Variants in SLC35G2 observed in about 807,000 individuals in gnomAD.
The protein encoded by SLC35G2 is solute carrier family 35 member G2, also known as transmembrane protein 22.
In SLC35G2, 20 loss-of-function variants were observed where a neutral mutation model predicts 27.2. The ratio of observed to expected loss-of-function variants is 0.74; its 90% CI spans 0.52 to 1.07. The LOEUF (loss-of-function observed/expected upper bound fraction) is 1.07, where lower values mean the gene tolerates loss of function less well. Among genes scored for constraint, SLC35G2 ranks in the 50% least tolerant of loss-of-function variants. SLC35G2 has a pLI of 0.00. For missense variants in SLC35G2, 416 were observed against 493.3 expected (o/e 0.84, Z 1.48); for synonymous variants, 148 against 165.3 (o/e 0.90, Z 0.80).
chr3:136,833,680 T>C (rs1436294645), intron 1 of SLC35G2, among the ~76,000 whole-genome samples: 1 of 152,138 alleles, frequency 6.6e-6, no homozygotes, highest in African/African-American at 2.4e-5. Context: ...AATGTTGCCG[T>C]TGATCTGACA....
At chr3:136,829,096 A>C (rs1576888575) in intron 1 of SLC35G2, among the ~76,000 whole-genome samples, 1 of 152,124 alleles carries the variant, frequency 6.6e-6, no homozygotes, top group African/African-American at 2.4e-5. Flanking sequence ...CGTCTTGAAA[A>C]TTTATTTTTG....
At chr3:136,843,322 CAAAAAAAAAAAAAAA>C (rs36115986) in intron 1 of SLC35G2, 94 of 25,284 alleles carry the variant, frequency 3.7e-3, no homozygotes, top group African/African-American at 0.018. Context: ...GACTCTGTCT[CAAAAAAAAAAAAAAA>C]AAAAAAAAAA....
intron 1 of SLC35G2, among the ~76,000 whole-genome samples, chr3:136,852,520 T>C: frequency 6.9e-6 from 1 of 145,242 alleles, no homozygotes; most frequent in East Asian, 2.0e-4. Flanking sequence ...TGAGATGGAG[T>C]CTTGCTCTGT....
At position 136,854,501 on chromosome 3, in the gene SLC35G2, G is replaced by T. The variant is rs1419806954; in HGVS notation, c.41G>T (p.Arg14Leu). 5 of 1,584,480 alleles carry T rather than the reference G, an allele frequency of 3.2e-6. No individual in the cohort carries two copies. The highest frequency in any genetic ancestry group is 4.3e-6 in the Non-Finnish European group (5 of 1,165,774). Residue 14 changes from arginine to leucine, a missense_variant, in exon 2 of 2, where the codon CGG becomes CTG. Physicochemically the swap from Arg to Leu is moderately radical, Grantham distance 102. Transcript: ENST00000446465. ...SPSRKYPVKK[R>L]VKIHPNTVMV... ...TCCAGAAAATATCCAGTTAAAAAACGGGTGAAAATACATCCCAACACAGTG... is the reference window on the plus strand; with the variant it reads ...TCCAGAAAATATCCAGTTAAAAAACTGGTGAAAATACATCCCAACACAGTG...
At chr3:136,852,682 A>AG (rs1305459295) in intron 1 of SLC35G2, among the ~76,000 whole-genome samples, 1 of 151,710 alleles carries the variant, frequency 6.6e-6, no homozygotes, top group East Asian at 2.0e-4. Context: ...TAGTAGAGAC[A>AG]GGATTTTACC....
chr3:136,825,268 C>T (rs1486267429), intron 1 of SLC35G2, among the ~76,000 whole-genome samples: 2 of 140,630 alleles, frequency 1.4e-5, no homozygotes, highest in Admixed American at 7.6e-5. Flanking sequence ...TGAGACAGAG[C>T]CTTGCTCTGT....
intron 1 of SLC35G2, among the ~76,000 whole-genome samples, chr3:136,841,090 A>G (rs921376774): frequency 6.6e-6 from 1 of 151,626 alleles, no homozygotes; most frequent in Non-Finnish European, 1.5e-5. Context: ...CAGCCTCCCA[A>G]AGTGCTGGGA....
At chr3:136,841,121 G>C (rs1206682442) in intron 1 of SLC35G2, among the ~76,000 whole-genome samples, 1 of 151,732 alleles carries the variant, frequency 6.6e-6, no homozygotes, top group Non-Finnish European at 1.5e-5. Context: ...GAACCACCAT[G>C]CCCCACCCCT....
At chr3:136,839,404 A>AC (rs1201308409) in intron 1 of SLC35G2, among the ~76,000 whole-genome samples, 1 of 152,160 alleles carries the variant, frequency 6.6e-6, no homozygotes, top group East Asian at 1.9e-4. Flanking sequence ...CACAAGCCAA[A>AC]CCAACCTGCT....
chr3:136,827,665 T>A (rs1249120187), intron 1 of SLC35G2, among the ~76,000 whole-genome samples: 2 of 152,166 alleles, frequency 1.3e-5, no homozygotes, highest in Non-Finnish European at 2.9e-5. Flanking sequence ...GTTTCCATTA[T>A]CATTTGTTTC....
At chr3:136,825,270 T>G (rs1936557475) in intron 1 of SLC35G2, among the ~76,000 whole-genome samples, 1 of 144,014 alleles carries the variant, frequency 6.9e-6, no homozygotes, top group Non-Finnish European at 1.5e-5. Flanking sequence ...AGACAGAGCC[T>G]TGCTCTGTTG....
At chr3:136,835,188 CAA>C (rs1160245307) in intron 1 of SLC35G2, among the ~76,000 whole-genome samples, 1 of 152,152 alleles carries the variant, frequency 6.6e-6, no homozygotes, top group African/African-American at 2.4e-5. Flanking sequence ...GGTCTAGAAT[CAA>C]AGTCAGGATT....
In SLC35G2 at chr3:136,855,747, G is replaced by T; in HGVS notation, c.*48G>T. On this transcript the variant is annotated 3_prime_UTR_variant, in exon 2 of 2. Transcript: ENST00000446465. ...TTAATGTTCAGTTATTATGTATACT[G>T]CCATTTTAATGTTTACCTATGAATG... 1.5e-6 allele frequency: 2 copies of T among 1,369,024 alleles called. No individual in the cohort carries two copies. The highest frequency in any genetic ancestry group is 2.1e-6 in the Non-Finnish European group (2 of 961,630). 84.8% of individuals were successfully genotyped at this position (1,369,024 alleles called of 1,614,324 possible).
In SLC35G2 at chr3:136,855,390, C is replaced by T; in HGVS notation, c.930C>T (p.Ile310=). The change falls in exon 2 of 2, where the codon ATC becomes ATT. Residue 310 remains isoleucine, a synonymous_variant. Transcript: ENST00000446465. ...ISTMFILQEP[I]IPLDGETWSY... ...CTATGTTTATTCTTCAAGAACCCAT[C>T]ATCCCATTAGATGGAGAAACCTGGA... 1 of 1,614,116 alleles carries T rather than the reference C, an allele frequency of 6.2e-7. No individual in the cohort carries two copies. The highest frequency in any genetic ancestry group is 8.5e-7 in the Non-Finnish European group (1 of 1,179,972).
At chr3:136,847,196 A>C (rs1380095678) in intron 1 of SLC35G2, among the ~76,000 whole-genome samples, 1 of 151,708 alleles carries the variant, frequency 6.6e-6, no homozygotes, top group Non-Finnish European at 1.5e-5. Context: ...ATAAATAATA[A>C]ATAAATAAAT....
intron 1 of SLC35G2, among the ~76,000 whole-genome samples, chr3:136,834,171 G>A (rs898174839): frequency 6.6e-6 from 1 of 152,014 alleles, no homozygotes; most frequent in Non-Finnish European, 1.5e-5. Context: ...GGACACTAGT[G>A]TATAAAACAT....
intron 1 of SLC35G2, among the ~76,000 whole-genome samples, chr3:136,849,879 C>T (rs916134572): frequency 2.0e-5 from 3 of 150,992 alleles, no homozygotes; most frequent in African/African-American, 4.9e-5. Context: ...CCGCGGCGGG[C>T]GGATCACTTG....
Position 136,855,804 on chromosome 3 carries a change from T to C in SLC35G2, c.*105T>C. 1 of 814,552 alleles carries C rather than the reference T, an allele frequency of 1.2e-6. No individual in the cohort carries two copies. The highest frequency in any genetic ancestry group is 2.0e-6 in the Non-Finnish European group (1 of 508,766). 50.5% of individuals were successfully genotyped at this position (814,552 alleles called of 1,614,324 possible). ...GTGTTATATAACTGACAGAGTGCTATAAAATATATAATATATACAAATGCA... is the reference window on the plus strand; with the variant it reads ...GTGTTATATAACTGACAGAGTGCTACAAAATATATAATATATACAAATGCA... On this transcript the variant is annotated 3_prime_UTR_variant, in exon 2 of 2. Coordinates refer to ENST00000446465, the MANE Select transcript of SLC35G2 (RefSeq NM_025246.3).
Position 136,855,432 on chromosome 3 carries a change from A to G in SLC35G2, c.972A>G (p.Ile324Met). 1 of 1,614,144 alleles carries G rather than the reference A, an allele frequency of 6.2e-7. No homozygotes were observed. The highest frequency in any genetic ancestry group is 8.5e-7 in the Non-Finnish European group (1 of 1,180,024). Residue 324 changes from isoleucine to methionine, a missense_variant, in exon 2 of 2, where the codon ATA becomes ATG. Ile to Met is a conservative substitution (Grantham distance 10). Transcript: ENST00000446465. ...DGETWSYLIA[I>M]CVCSTAAFLG... The stretch of plus-strand genomic sequence containing the variant: ...AAACCTGGAGTTATCTCATTGCTAT[A>G]TGTGTCTGTTCTACTGCAGCATTCT...
Sources: allele counts gnomAD v4.1 joint callset (sites outside exome capture counted in the v4.1 genomes callset), GRCh38; gene constraint gnomAD v4.1.1; transcripts MANE v1.5; gene names NCBI Gene and HGNC (gene_info 2026-07-23, HGNC 2026-07-21).